Variants in ERBB4 observed in about 807,000 individuals in gnomAD.
ERBB4 encodes receptor tyrosine-protein kinase erbB-4.
A neutral mutation model predicts 158.0 loss-of-function variants in ERBB4; 42 were observed. That is an observed-to-expected ratio of 0.27 (90% CI 0.21 to 0.34). The LOEUF (loss-of-function observed/expected upper bound fraction) is 0.34, where lower values mean the gene tolerates loss of function less well. ERBB4 is among the 10% of genes least tolerant of loss of function. The pLI, the probability that ERBB4 is intolerant of heterozygous loss-of-function variation, is 1.00. For missense variants in ERBB4, 1,333 were observed against 1,624.1 expected, an observed-to-expected ratio of 0.82 and a Z score of 3.08; for synonymous variants, 583 against 558.7, an observed-to-expected ratio of 1.04 and a Z score of -0.61.
chr2:211,631,799 A>G (rs1368009405), intron 16 of ERBB4, among the ~76,000 whole-genome samples: 1 of 152,164 alleles, frequency 6.6e-6, no homozygotes, highest in East Asian at 1.9e-4. Flanking sequence ...TATCAAAACT[A>G]AAAAAGAACT....
intron 1 of ERBB4, among the ~76,000 whole-genome samples, chr2:212,405,056 T>C (rs2091308243): frequency 6.6e-6 from 1 of 152,044 alleles, no homozygotes; most frequent in Non-Finnish European, 1.5e-5. Flanking sequence ...CTATCATTAA[T>C]TGGCATTTAG....
intron 16 of ERBB4, among the ~76,000 whole-genome samples, chr2:211,632,472 C>T (rs975133162): frequency 7.9e-5 from 12 of 151,930 alleles, no homozygotes; most frequent in African/African-American, 2.7e-4. Context: ...TCCAACATTT[C>T]GTTAATTGTA....
chr2:212,195,217 T>C (rs2082390336), intron 1 of ERBB4, among the ~76,000 whole-genome samples: 1 of 152,012 alleles, frequency 6.6e-6, no homozygotes, highest in South Asian at 2.1e-4. Context: ...TTATTACTCT[T>C]TTCTCTCTCC....
chr2:212,519,964 G>T lies in ERBB4; in HGVS notation c.82+18485C>A, dbSNP rs769664041. The stretch of plus-strand genomic sequence containing the variant: ...GATAAATGTTTGAGTTGATGGATAG[G>T]TTAATTATTCTAATTTAATTATTAT... On this transcript the variant is annotated intron_variant, in intron 1 of 27. Coordinates refer to ENST00000342788, the MANE Select transcript of ERBB4 (RefSeq NM_005235.3). Among the ~76,000 whole-genome samples, 153 of 151,890 alleles carry T rather than the reference G, an allele frequency of 1.0e-3. 1 individual carries two copies. Among genetic ancestry groups the T allele is most frequent in the Non-Finnish European group, 1.8e-3 (122 of 67,876 alleles).
chr2:211,638,708 C>A (rs1017147881), intron 16 of ERBB4, among the ~76,000 whole-genome samples: 1 of 151,948 alleles, frequency 6.6e-6, no homozygotes, highest in Non-Finnish European at 1.5e-5. Flanking sequence ...ACATTTCATT[C>A]GATAACACAG....
rs139097268 is a variant in ERBB4 at position 212,185,414 on chromosome 2, A to G, written c.83-60511T>C. Among the ~76,000 whole-genome samples, 746 of 152,148 alleles carry G rather than the reference A, an allele frequency of 4.9e-3. 7 individuals are homozygous for G. Among genetic ancestry groups the G allele is most frequent in the Middle Eastern group, 0.02 (6 of 294 alleles). The stretch of plus-strand genomic sequence containing the variant: ...CTGCTTGGAATCACTTGAAGATTAC[A>G]GTTTTAACTATGGGTTTCAATTATT... On this transcript the variant is annotated intron_variant, in intron 1 of 27. Coordinates refer to ENST00000342788, the MANE Select transcript of ERBB4 (RefSeq NM_005235.3).
intron 1 of ERBB4, among the ~76,000 whole-genome samples, chr2:212,307,253 T>A (rs1046663138): frequency 6.6e-6 from 1 of 151,018 alleles, no homozygotes; most frequent in Admixed American, 6.6e-5. Context: ...ATTCTCATAA[T>A]AGAGGAAGAA....
At chr2:212,212,399 CA>C (rs1390930771) in intron 1 of ERBB4, among the ~76,000 whole-genome samples, 1 of 151,794 alleles carries the variant, frequency 6.6e-6, no homozygotes, top group Non-Finnish European at 1.5e-5. Flanking sequence ...AACCACTGCT[CA>C]AAGAAATAAG....
intron 17 of ERBB4, among the ~76,000 whole-genome samples, chr2:211,627,074 A>G (rs1232153772): frequency 6.6e-6 from 1 of 152,216 alleles, no homozygotes; most frequent in Non-Finnish European, 1.5e-5. Context: ...TTTCACGGCA[A>G]TGAGCCTTCC....
At chr2:212,034,538 T>A (rs1423284596) in intron 2 of ERBB4, among the ~76,000 whole-genome samples, 1 of 152,070 alleles carries the variant, frequency 6.6e-6, no homozygotes, top group East Asian at 1.9e-4. Flanking sequence ...ATTTTACTCA[T>A]TGACTACTTC....
chr2:212,071,491 A>G (rs975584473), intron 2 of ERBB4, among the ~76,000 whole-genome samples: 2 of 151,986 alleles, frequency 1.3e-5, no homozygotes, highest in Non-Finnish European at 2.9e-5. Context: ...GAATATTTGA[A>G]TAATCAGGTG....
chr2:211,675,809 T>TATAA (rs1461809689), intron 13 of ERBB4, among the ~76,000 whole-genome samples: 4 of 143,674 alleles, frequency 2.8e-5, no homozygotes, highest in African/African-American at 1.0e-4. Flanking sequence ...TATATATATA[T>TATAA]AACAAATAGG....
chr2:212,301,395 GAATTA>G (rs1283787188), intron 1 of ERBB4, among the ~76,000 whole-genome samples: 1 of 151,356 alleles, frequency 6.6e-6, no homozygotes, highest in Non-Finnish European at 1.5e-5. Flanking sequence ...AAAATGAATT[GAATTA>G]AAGATTAGAG....
chr2:212,262,223 C>G (rs1329760641), intron 1 of ERBB4, among the ~76,000 whole-genome samples: 1 of 152,076 alleles, frequency 6.6e-6, no homozygotes, highest in Non-Finnish European at 1.5e-5. Context: ...AACTTCACAA[C>G]CTATTATCGG....
At chr2:212,426,816 G>C (rs1172270132) in intron 1 of ERBB4, among the ~76,000 whole-genome samples, 3 of 152,006 alleles carry the variant, frequency 2.0e-5, no homozygotes, top group Non-Finnish European at 4.4e-5. Flanking sequence ...CACCCACAAA[G>C]TAAATGTGAG....
chr2:212,522,925 T>C (rs1692253753), intron 1 of ERBB4, among the ~76,000 whole-genome samples: 2 of 151,932 alleles, frequency 1.3e-5, no homozygotes, highest in African/African-American at 4.8e-5. Flanking sequence ...AAAGTGGATA[T>C]AGACTGTAGA....
intron 1 of ERBB4, among the ~76,000 whole-genome samples, chr2:212,309,349 T>C (rs190699352): frequency 2.3e-3 from 347 of 150,968 alleles, no homozygotes; most frequent in Non-Finnish European, 4.3e-3. Flanking sequence ...AACATATTTA[T>C]CCACCAAATA....
chr2:212,416,216 C>T (rs2091648575), intron 1 of ERBB4, among the ~76,000 whole-genome samples: 1 of 152,150 alleles, frequency 6.6e-6, no homozygotes, highest in Admixed American at 6.6e-5. Context: ...CCACCCATAC[C>T]TATTTATCTG....
intron 1 of ERBB4, among the ~76,000 whole-genome samples, chr2:212,405,459 T>C (rs770878344): frequency 3.3e-5 from 5 of 152,058 alleles, no homozygotes; most frequent in Non-Finnish European, 7.4e-5. Flanking sequence ...AGAACTACCA[T>C]TGGACTCAGC....
Sources: gnomAD v4.1 joint callset for allele counts (sites outside exome capture counted in the v4.1 genomes callset) on GRCh38, gnomAD v4.1.1 for gene constraint, MANE v1.5 for transcripts, NCBI Gene and HGNC (gene_info 2026-07-23, HGNC 2026-07-21) for gene names.